The following SLC8A1 variants were observed in gnomAD, a reference collection of about 807,000 sequenced individuals.
SLC8A1 encodes solute carrier family 8 member A1, also known as sodium/calcium exchanger 1.
Under a neutral mutation model 68.3 loss-of-function variants are expected in SLC8A1, and 18 were observed. The ratio of observed to expected loss-of-function variants is 0.26; its 90% CI spans 0.18 to 0.39. The LOEUF is 0.39. SLC8A1 is among the 10% of genes least tolerant of loss of function. SLC8A1 has a pLI of 1.00. For synonymous variants in SLC8A1, 475 were observed against 415.5 expected, an observed-to-expected ratio of 1.14 and a Z score of -1.74; for missense variants, 985 against 1,156.7, an observed-to-expected ratio of 0.85 and a Z score of 2.15.
At chr2:40,418,747 G>A (rs535080875) in intron 2 of SLC8A1, among the ~76,000 whole-genome samples, 1 of 152,290 alleles carries the variant, frequency 6.6e-6, no homozygotes, top group Admixed American at 6.5e-5. Flanking sequence ...AAACGAATCA[G>A]ATTTGAGTTG....
At chr2:40,491,681 T>C (rs1248307187) in intron 1 of SLC8A1, among the ~76,000 whole-genome samples, 1 of 152,162 alleles carries the variant, frequency 6.6e-6, no homozygotes, top group East Asian at 1.9e-4. Flanking sequence ...TGAGAGTTTT[T>C]AGCATGAAGA....
exon 8 of SLC8A1, chr2:40,104,134 T>C (rs551574341): frequency 2.0e-5 from 3 of 152,174 alleles, no homozygotes; most frequent in Non-Finnish European, 4.4e-5. Flanking sequence ...GATGTTAAAA[T>C]GAAGAGAACA....
chr2:40,424,282 G>C (rs1171854392), intron 2 of SLC8A1, among the ~76,000 whole-genome samples: 1 of 151,584 alleles, frequency 6.6e-6, no homozygotes. Context: ...ACATCTGGCT[G>C]TCTTATTGTA....
At chr2:40,462,998 A>G (rs942897191) in intron 1 of SLC8A1, among the ~76,000 whole-genome samples, 5 of 146,110 alleles carry the variant, frequency 3.4e-5, no homozygotes, top group East Asian at 4.2e-4. Flanking sequence ...GTTAGACACA[A>G]TGGAATTATC....
intron 7 of SLC8A1, among the ~76,000 whole-genome samples, chr2:40,130,563 G>A (rs2039120828): frequency 1.3e-5 from 2 of 152,200 alleles, no homozygotes; most frequent in South Asian, 4.1e-4. Flanking sequence ...CAGATCTGAG[G>A]GTCCATTCAG....
intron 1 of SLC8A1, among the ~76,000 whole-genome samples, chr2:40,458,272 T>A (rs1375540540): frequency 1.3e-5 from 2 of 152,194 alleles, no homozygotes; most frequent in African/African-American, 4.8e-5. Context: ...AAGTGCCTTT[T>A]TGAGTCCCTA....
At chr2:40,489,187 G>C (rs898265432) in intron 1 of SLC8A1, among the ~76,000 whole-genome samples, 1 of 152,078 alleles carries the variant, frequency 6.6e-6, no homozygotes, top group Admixed American at 6.6e-5. Context: ...CCTGCCTAAG[G>C]TGACACATCG....
At chr2:40,396,062 A>AACTT in intron 2 of SLC8A1, among the ~76,000 whole-genome samples, 1 of 152,144 alleles carries the variant, frequency 6.6e-6, no homozygotes, top group African/African-American at 2.4e-5. Flanking sequence ...AAGGAAAGAA[A>AACTT]GATAATACTT....
At chr2:40,351,535 C>T (rs535308243) in intron 2 of SLC8A1, among the ~76,000 whole-genome samples, 2 of 151,922 alleles carry the variant, frequency 1.3e-5, no homozygotes, top group East Asian at 1.9e-4. Flanking sequence ...TAACATCTGT[C>T]CTTATCAATG....
At chr2:40,447,953 A>C (rs1701751242) in intron 1 of SLC8A1, among the ~76,000 whole-genome samples, 1 of 152,226 alleles carries the variant, frequency 6.6e-6, no homozygotes, top group Non-Finnish European at 1.5e-5. Context: ...TGATTCACTT[A>C]AACTTTTGTC....
chr2:40,312,827 T>C (rs1229146576), intron 2 of SLC8A1, among the ~76,000 whole-genome samples: 2 of 152,126 alleles, frequency 1.3e-5, no homozygotes, highest in East Asian at 3.9e-4. Flanking sequence ...TTTTCACAGT[T>C]ACTCCCATGT....
chr2:40,368,989 A>G (rs558703299), intron 2 of SLC8A1, among the ~76,000 whole-genome samples: 2 of 152,192 alleles, frequency 1.3e-5, no homozygotes, highest in African/African-American at 4.8e-5. Flanking sequence ...AGCTGTATGC[A>G]GGAGATTGAA....
At chr2:40,274,155 G>A (rs1165142892) in intron 2 of SLC8A1, among the ~76,000 whole-genome samples, 2 of 150,072 alleles carry the variant, frequency 1.3e-5, no homozygotes, top group Non-Finnish European at 3.0e-5. Flanking sequence ...AGCCCTTGTG[G>A]ATGGAATAGA....
intron 7 of SLC8A1, among the ~76,000 whole-genome samples, chr2:40,125,500 T>C (rs1030009861): frequency 2.6e-5 from 4 of 152,206 alleles, no homozygotes; most frequent in African/African-American, 4.8e-5. Context: ...GTGTTAAGCA[T>C]TGAAGAACTG....
At chr2:40,324,559 G>C (rs1032119396) in intron 2 of SLC8A1, among the ~76,000 whole-genome samples, 1 of 152,148 alleles carries the variant, frequency 6.6e-6, no homozygotes, top group Non-Finnish European at 1.5e-5. Context: ...AAGTGAAGTA[G>C]CTCATTTGTT....
At chr2:40,151,168 A>C (rs2043345417) in intron 6 of SLC8A1, among the ~76,000 whole-genome samples, 1 of 152,216 alleles carries the variant, frequency 6.6e-6, no homozygotes, top group African/African-American at 2.4e-5. Flanking sequence ...TATGTGTACA[A>C]ATATGTGAAA....
intron 7 of SLC8A1, among the ~76,000 whole-genome samples, chr2:40,122,637 G>A (rs564965445): frequency 6.6e-6 from 1 of 152,220 alleles, no homozygotes; most frequent in East Asian, 1.9e-4. Context: ...TGTGGCTGGA[G>A]CATTGGTATT....
upstream of SLC8A1, among the ~76,000 whole-genome samples, chr2:40,454,069 G>T (rs564633954): frequency 6.6e-6 from 1 of 152,284 alleles, no homozygotes; most frequent in African/African-American, 2.4e-5. Context: ...GAGACAGAAG[G>T]TCACTGTCTC....
At chr2:40,178,558 A>G (rs1449451741) in intron 2 of SLC8A1, 65 bp from the exon 3 acceptor site, 1 of 1,376,496 alleles carries the variant, frequency 7.3e-7, no homozygotes, top group African/African-American at 1.4e-5. Context: ...GAACATAGAG[A>G]AGAGGAAAGC....
Sources: allele counts gnomAD v4.1 joint callset (sites outside exome capture counted in the v4.1 genomes callset), GRCh38; gene constraint gnomAD v4.1.1; transcripts MANE v1.5; gene names NCBI Gene and HGNC (gene_info 2026-07-23, HGNC 2026-07-21).